KAZN: variants seen among roughly 807,000 people sequenced by gnomAD.
KAZN encodes the protein kazrin, periplakin interacting protein, also known as kazrin.
KAZN carries 40 observed loss-of-function variants against 87.4 expected under a neutral mutation model. The observed-to-expected ratio is 0.46, with a 90% confidence interval of 0.36 to 0.60. KAZN has a LOEUF of 0.60. Ranked by LOEUF, KAZN falls within the 20% of genes least tolerant of loss-of-function variation. The pLI is 0.00. For synonymous variants in KAZN, 466 were observed against 458.3 expected (o/e 1.02, Z -0.22); for missense variants, 898 against 1,073.9 (o/e 0.84, Z 2.29).
intron 2 of KAZN, among the ~76,000 whole-genome samples, chr1:14,992,383 G>T (rs1032805116): frequency 6.6e-6 from 1 of 152,140 alleles, no homozygotes; most frequent in Non-Finnish European, 1.5e-5. Context: ...TGTGAGCACC[G>T]TGCCAGCCCG....
At chr1:14,800,650 G>A (rs1007830000) in intron 1 of KAZN, among the ~76,000 whole-genome samples, 2 of 152,150 alleles carry the variant, frequency 1.3e-5, no homozygotes, top group Admixed American at 1.3e-4. Flanking sequence ...GCTGCAGCGA[G>A]CCATGATTGC....
chr1:14,516,108 TC>T (rs1671285213), intron 2 of KAZN, among the ~76,000 whole-genome samples: 1 of 152,212 alleles, frequency 6.6e-6, no homozygotes, highest in African/African-American at 2.4e-5. Context: ...CTCAGGTGTT[TC>T]GCTTGAGCAG....
intron 1 of KAZN, among the ~76,000 whole-genome samples, chr1:14,621,246 CAG>C (rs1215926881): frequency 4.6e-5 from 7 of 152,182 alleles, no homozygotes; most frequent in Non-Finnish European, 7.3e-5. Context: ...GCTCAGCAGC[CAG>C]AGTCATGCCA....
At position 14,769,489 on chromosome 1, in the gene KAZN, G is replaced by A. The variant is rs1167739286; in HGVS notation, c.226+170266G>A. 6.6e-6 allele frequency among the ~76,000 whole-genome samples: 1 copy of A among 152,006 alleles called. No individual in the cohort carries two copies. The highest frequency in any genetic ancestry group is 2.4e-5 in the African/African-American group (1 of 41,374). The stretch of plus-strand genomic sequence containing the variant: ...CGTGCCTCATTCTCCTGAGTATCTG[G>A]GATTACAGGCGCCCACCACCACGCC... On this transcript the variant is annotated intron_variant, in intron 1 of 14. Coordinates refer to ENST00000376030, the MANE Select transcript of KAZN (RefSeq NM_201628.3). The surrounding 1 kb of genome is among the most constrained non-coding windows in gnomAD (Gnocchi z 4.1).
rs951387264 is a variant in KAZN, at chr1:14,918,502, C to T, written c.227-42182C>T. Among the ~76,000 whole-genome samples, 6 of 151,340 alleles carry T rather than the reference C, an allele frequency of 4.0e-5. No individual in the cohort carries two copies. In the South Asian group the frequency reaches 1.3e-3, roughly 32 times the overall value. On this transcript the variant is annotated intron_variant, in intron 1 of 14. Coordinates refer to ENST00000376030, the MANE Select transcript of KAZN (RefSeq NM_201628.3). ...ACCAGCCAGACCAATATGGTGAAAC[C>T]CCATCTCTACTAAAAATACAAAAAT... is the stretch of plus-strand genomic sequence containing the variant.
intron 1 of KAZN, among the ~76,000 whole-genome samples, chr1:14,809,733 C>T (rs958068665): frequency 6.6e-6 from 1 of 152,116 alleles, no homozygotes; most frequent in Non-Finnish European, 1.5e-5. Flanking sequence ...GTACAGTGCT[C>T]GCCGTGTGGG....
chr1:15,044,212 T>G (rs1387373528), intron 4 of KAZN, 53 bp downstream of exon 4: 1 of 1,210,446 alleles, frequency 8.3e-7, no homozygotes, highest in Non-Finnish European at 1.1e-6. Flanking sequence ...AGTGCCGTGC[T>G]GGGAGCCGGG....
intron 1 of KAZN, among the ~76,000 whole-genome samples, chr1:14,869,006 T>C (rs1651854011): frequency 6.6e-6 from 1 of 152,174 alleles, no homozygotes; most frequent in Non-Finnish European, 1.5e-5. Flanking sequence ...CCCGGTGGTA[T>C]TGTGGGTACC....
At chr1:14,755,769 A>T (rs529844191) in intron 1 of KAZN, among the ~76,000 whole-genome samples, 10 of 152,346 alleles carry the variant, frequency 6.6e-5, no homozygotes, top group Non-Finnish European at 1.2e-4. Context: ...GATGGCATTT[A>T]GCCTCCAATT....
chr1:14,123,898 C>A (rs560599687), intron 1 of KAZN, among the ~76,000 whole-genome samples: 1 of 152,276 alleles, frequency 6.6e-6, no homozygotes, highest in South Asian at 2.1e-4. Flanking sequence ...GGGGCCTTTT[C>A]TTCACCAGCT....
At chr1:14,346,608 G>A (rs575529339) in intron 2 of KAZN, among the ~76,000 whole-genome samples, 1 of 152,210 alleles carries the variant, frequency 6.6e-6, no homozygotes, top group East Asian at 1.9e-4. Context: ...AGTAAGATAT[G>A]ACTTCCAGCG....
intron 1 of KAZN, among the ~76,000 whole-genome samples, chr1:14,684,623 T>C (rs1189946424): frequency 6.6e-6 from 1 of 152,214 alleles, no homozygotes; most frequent in Admixed American, 6.5e-5. Context: ...GTTTCTTCGC[T>C]CTTTCTAGCT....
At chr1:14,051,517 T>C (rs1237003748) in intron 1 of KAZN, among the ~76,000 whole-genome samples, 2 of 152,244 alleles carry the variant, frequency 1.3e-5, no homozygotes, top group Non-Finnish European at 2.9e-5. Context: ...TATTGAATTA[T>C]CTGTTTCTCT....
intron 2 of KAZN, among the ~76,000 whole-genome samples, chr1:14,591,197 G>A (rs1056593322): frequency 3.3e-5 from 5 of 151,934 alleles, no homozygotes; most frequent in Admixed American, 1.3e-4. Context: ...CACAGCCACC[G>A]CATGAGAGGG....
At chr1:14,260,731 C>T (rs1650946354) in intron 2 of KAZN, among the ~76,000 whole-genome samples, 1 of 152,202 alleles carries the variant, frequency 6.6e-6, no homozygotes, top group Non-Finnish European at 1.5e-5. Context: ...TCCTATTTGC[C>T]AGGCACTGTT....
intron 2 of KAZN, among the ~76,000 whole-genome samples, chr1:14,540,581 G>T (rs1253973831): frequency 6.6e-6 from 1 of 152,116 alleles, no homozygotes; most frequent in Non-Finnish European, 1.5e-5. Context: ...TTCAAAAGAG[G>T]CCAGGACTCT....
At chr1:13,935,252 G>GTAGTAGTAGTAATAATAATAATAATAA (rs1553175647) in intron 1 of KAZN, among the ~76,000 whole-genome samples, 1,572 of 147,048 alleles carry the variant, frequency 0.011, 33 homozygotes, top group African/African-American at 0.037. Flanking sequence ...AGTAGTAGTA[G>GTAGTAGTAGTAATAATAATAATAATAA]TAATAATAAT....
rs1453268459 is a variant in KAZN at position 14,209,126 on chromosome 1, C to T, written c.249+28534C>T. Reference sequence around the variant, plus strand: ...GTCAAGCAAAGGAAAATTAGGATCTCGGCTGCTATGCCGAGTAGCCGTGGT... The same window carrying T: ...GTCAAGCAAAGGAAAATTAGGATCTTGGCTGCTATGCCGAGTAGCCGTGGT... On this transcript the variant is annotated intron_variant, in intron 2 of 16. Transcript: ENST00000636203. Among the ~76,000 whole-genome samples, 9 of 152,198 alleles carry T rather than the reference C, an allele frequency of 5.9e-5. No individual in the cohort carries two copies. In the South Asian group the frequency reaches 8.3e-4, roughly 14 times the overall value.
intron 2 of KAZN, among the ~76,000 whole-genome samples, chr1:14,403,781 C>T (rs1663611378): frequency 6.6e-6 from 1 of 152,154 alleles, no homozygotes. Context: ...GGTGAAAATG[C>T]TACTGCTGGA....
Sources: allele counts gnomAD v4.1 joint callset (sites outside exome capture counted in the v4.1 genomes callset), GRCh38; gene constraint gnomAD v4.1.1; non-coding constraint Gnocchi (gnomAD v3.1); transcripts MANE v1.5; gene names NCBI Gene and HGNC (gene_info 2026-07-23, HGNC 2026-07-21).